LAMA1: variants seen among roughly 807,000 people sequenced by gnomAD.
LAMA1 encodes the protein laminin subunit alpha-1.
LAMA1 carries 219 observed loss-of-function variants against 348.7 expected under a neutral mutation model. The observed-to-expected ratio is 0.63, with a 90% confidence interval of 0.56 to 0.70. The LOEUF is 0.70. Among genes scored for constraint, LAMA1 ranks in the 30% least tolerant of loss-of-function variants. The probability of loss-of-function intolerance (pLI) is 0.00; values close to 1 mark genes in which losing one functional copy is unlikely to be tolerated. For missense variants in LAMA1, 3,744 were observed against 3,888.0 expected (o/e 0.96, Z 0.99); for synonymous variants, 1,487 against 1,491.0 (o/e 1.00, Z 0.06).
intron 1 of LAMA1, among the ~76,000 whole-genome samples, chr18:7,116,245 C>T (rs1417467901): frequency 6.6e-6 from 1 of 152,196 alleles, no homozygotes; most frequent in Non-Finnish European, 1.5e-5. Context: ...TTTCGGGGAA[C>T]AATAAGCTGA....
Position 6,956,738 on chromosome 18 carries a change from G to A in LAMA1, c.7992C>T (p.Gly2664=). Residue 2664 remains glycine, a synonymous_variant, in exon 56 of 63, where the codon GGC becomes GGT. Transcript: ENST00000389658. ...LELLDFNSAV[G]HEQVDLDTCW... ...AGGTGTCCAGGTCGACTTGCTCATGGCCAACTGCACTGTTGAAATCCAAAA... is the reference window on the plus strand; with the variant it reads ...AGGTGTCCAGGTCGACTTGCTCATGACCAACTGCACTGTTGAAATCCAAAA... 1 of 1,614,162 alleles carries A rather than the reference G, an allele frequency of 6.2e-7. No homozygotes were observed. The highest frequency in any genetic ancestry group is 8.5e-7 in the Non-Finnish European group (1 of 1,180,030).
intron 16 of LAMA1, among the ~76,000 whole-genome samples, 200 bp downstream of exon 16, chr18:7,031,866 A>G (rs1447694081): frequency 1.4e-5 from 2 of 144,284 alleles, no homozygotes; most frequent in African/African-American, 2.6e-5. Flanking sequence ...ACTATTACCA[A>G]AGTAACTTTT....
chr18:6,955,409 A>G lies in LAMA1; in HGVS notation c.8151T>C (p.Gly2717=). 6.2e-7 allele frequency: 1 copy of G among 1,614,102 alleles called. No homozygotes were observed. Residue 2717 remains glycine (G), a synonymous_variant, in exon 57 of 63, where the codon GGT becomes GGC. Transcript: ENST00000389658. ...LEYVPGAHQF[G]LTQNSHFILP... is the part of the protein sequence containing the mutation. The stretch of plus-strand genomic sequence containing the variant: ...AGATGAAATGGCTGTTTTGTGTGAG[A>G]CCAAACTGGTGAGCGCCGGGAACGT...
rs191765817 is a variant in LAMA1 at position 6,973,326 on chromosome 18, C to A, written c.6624-119G>T. The A allele has an allele frequency of 2.9e-3, 2,485 of 864,542 alleles. 4 individuals are homozygous for A. The highest frequency in any genetic ancestry group is 3.3e-3 in the Non-Finnish European group (1,775 of 534,404). The allele number at this position is 864,542 out of a possible 1,614,324, so 53.6% of individuals were successfully genotyped here. A position where few individuals can be genotyped will look rare whatever the true frequency, so the allele number is the denominator to read the frequency against. On this transcript the variant is annotated intron_variant, in intron 46 of 62. Coordinates refer to ENST00000389658, the MANE Select transcript of LAMA1 (RefSeq NM_005559.4). Reference sequence around the variant, plus strand: ...CCCAAGGGCCCTGCAACAGCACCCCCCTGCTGGCCTCCTGGCTTCCAGTCT... The same window carrying A: ...CCCAAGGGCCCTGCAACAGCACCCCACTGCTGGCCTCCTGGCTTCCAGTCT...
intron 1 of LAMA1, among the ~76,000 whole-genome samples, chr18:7,096,403 A>G (rs1337498161): frequency 2.0e-5 from 3 of 152,176 alleles, no homozygotes; most frequent in Non-Finnish European, 4.4e-5. Flanking sequence ...AGAGCTGGGC[A>G]TCGTGGCTCA....
At position 6,943,302 on chromosome 18, in the gene LAMA1, G is replaced by A. The variant is rs2057508024; in HGVS notation, c.8945C>T (p.Ala2982Val). 1.2e-6 allele frequency: 2 copies of A among 1,614,206 alleles called. No individual in the cohort carries two copies. Among genetic ancestry groups the A allele is most frequent in the Non-Finnish European group, 1.7e-6 (2 of 1,180,050 alleles). The change falls in exon 62 of 63, where the codon GCT becomes GTT. Residue 2982 changes from alanine (A) to valine (V), a missense_variant. Physicochemically the swap from Ala to Val is moderately conservative, Grantham distance 64 (BLOSUM62 0). Coordinates refer to ENST00000389658, the MANE Select transcript of LAMA1 (RefSeq NM_005559.4). The stretch of plus-strand genomic sequence containing the variant: ...AGTGATACGGTGTTTGCTTTTGTTA[G>A]CTTGAAGAGTGTGCCATTTTCCATC... ...LCDGKWHTLQ[A>V]NKSKHRITLI... is the part of the protein sequence containing the mutation.
intron 18 of LAMA1, among the ~76,000 whole-genome samples, chr18:7,023,731 G>A (rs1049651353): frequency 6.6e-6 from 1 of 152,184 alleles, no homozygotes; most frequent in Non-Finnish European, 1.5e-5. Context: ...GGAGCCAGAA[G>A]ACGGCTACTA....
At chr18:7,042,670 G>A (rs1474388743) in intron 8 of LAMA1, 1 of 245,098 alleles carries the variant, frequency 4.1e-6, no homozygotes, top group African/African-American at 2.3e-5. Flanking sequence ...GGACCACAAG[G>A]TCAAGGGATT....
chr18:6,946,602 C>G lies in LAMA1; in HGVS notation c.8844+561G>C, dbSNP rs186425243. Among the ~76,000 whole-genome samples, 194 of 152,122 alleles carry G rather than the reference C, an allele frequency of 1.3e-3. 6 individuals are homozygous for G. The East Asian group carries it at 0.029, about 22-fold the overall frequency. ...GGTGTGGTGGTGCACGCCTGTAATC[C>G]CAGCTACTCAGGAGGCTGAGGCAGG... On this transcript the variant is annotated intron_variant, in intron 61 of 62. Coordinates refer to ENST00000389658, the MANE Select transcript of LAMA1 (RefSeq NM_005559.4).
At chr18:7,103,348 T>A (rs1020085750) in intron 1 of LAMA1, among the ~76,000 whole-genome samples, 1 of 151,676 alleles carries the variant, frequency 6.6e-6, no homozygotes, top group Non-Finnish European at 1.5e-5. Flanking sequence ...GAGCTTGCAG[T>A]GAGCTGAGAT....
In LAMA1 at chr18:7,098,942, C is replaced by G. The variant is rs542730552; in HGVS notation, c.62-18485G>C. Among the ~76,000 whole-genome samples, 3 of 152,040 alleles carry G rather than the reference C, an allele frequency of 2.0e-5. No homozygotes were observed. In the South Asian group the frequency reaches 6.2e-4, roughly 32 times the overall value. On this transcript the variant is annotated intron_variant, in intron 1 of 62. Coordinates refer to ENST00000389658, the MANE Select transcript of LAMA1 (RefSeq NM_005559.4). ...CTGGGAAGTGAGGAGCCCCTCTGCC[C>G]GGCCACCACCCCGTCTGGGAGGTGT...
chr18:6,962,090 A>C, intron 51 of LAMA1, 31 bp from the exon 52 acceptor site: 2 of 1,545,066 alleles, frequency 1.3e-6, no homozygotes, highest in Non-Finnish European at 1.8e-6. Context: ...ACAATCACAA[A>C]ATTTGGGTTT....
At position 6,973,089 on chromosome 18, in the gene LAMA1, T is replaced by G. The variant is rs760911885; in HGVS notation, c.6742A>C (p.Met2248Leu). ...NVLDVNNSTL[M>L]FVGGLGGQIK... ...TGTCCTCCAAGACCTCCAACAAACATGAGTGTTGAATTGTTTACATCCAGA... is the reference window on the plus strand; with the variant it reads ...TGTCCTCCAAGACCTCCAACAAACAGGAGTGTTGAATTGTTTACATCCAGA... The change falls in exon 47 of 63, where the codon ATG (methionine) becomes CTG (leucine). Residue 2248 changes from methionine to leucine, a missense_variant. Physicochemically the swap from Met to Leu is conservative, Grantham distance 15. This residue lies in a region of LAMA1 where 1,983 missense variants were observed against 1,934.3 expected (regional missense o/e 1.03). Coordinates refer to ENST00000389658, the MANE Select transcript of LAMA1 (RefSeq NM_005559.4). The G allele has an allele frequency of 3.1e-6, 5 of 1,614,090 alleles. No individual in the cohort carries two copies. The highest frequency in any genetic ancestry group is 2.2e-5 in the East Asian group (1 of 44,906).
chr18:7,099,915 C>T (rs1237580000), intron 1 of LAMA1, among the ~76,000 whole-genome samples: 3 of 151,506 alleles, frequency 2.0e-5, no homozygotes, highest in Admixed American at 6.6e-5. Flanking sequence ...AAAAATTAGC[C>T]GGGTGTGGTG....
Position 7,038,831 on chromosome 18 carries a change from G to C in LAMA1, c.1542C>G (p.Ser514Arg). 1.2e-6 allele frequency: 2 copies of C among 1,614,200 alleles called. No homozygotes were observed. Among genetic ancestry groups the C allele is most frequent in the Non-Finnish European group, 1.7e-6 (2 of 1,180,042 alleles). The change falls in exon 11 of 63, where the codon AGC becomes AGG. Residue 514 changes from serine (S) to arginine (R), a missense_variant. Coordinates refer to ENST00000389658, the MANE Select transcript of LAMA1 (RefSeq NM_005559.4). ...CCACCTGACCAACAGGCCAAGAGAGGCTGCTGCAGACATCAGAAACGCCAA... is the reference window on the plus strand; with the variant it reads ...CCACCTGACCAACAGGCCAAGAGAGCCTGCTGCAGACATCAGAAACGCCAA... ...FCFGVSDVCS[S>R]LSWPVGQVNS...
chr18:6,956,489 C>T (rs778132292), intron 56 of LAMA1, 147 bp downstream of exon 56: 27 of 1,363,598 alleles, frequency 2.0e-5, no homozygotes, highest in Admixed American at 3.4e-5. Flanking sequence ...TCCCTGTCCC[C>T]GCTCTGATTT....
chr18:7,100,698 G>A (rs567969001), intron 1 of LAMA1, among the ~76,000 whole-genome samples: 2 of 152,192 alleles, frequency 1.3e-5, no homozygotes, highest in East Asian at 3.9e-4. Context: ...AACACTAACC[G>A]AGAGAAGTAG....
intron 5 of LAMA1, 27 bp from the exon 6 acceptor site, chr18:7,046,394 A>C: frequency 7.4e-7 from 1 of 1,360,016 alleles, no homozygotes; most frequent in Non-Finnish European, 1.0e-6. Flanking sequence ...TTATGAACAA[A>C]AATTAAAACC....
At chr18:6,994,655 T>C (rs554742602) in intron 34 of LAMA1, among the ~76,000 whole-genome samples, 1 of 151,002 alleles carries the variant, frequency 6.6e-6, no homozygotes, top group South Asian at 2.1e-4. Flanking sequence ...TATGTATAGA[T>C]ACACCATCAC....
Sources: gnomAD v4.1 joint callset for allele counts (sites outside exome capture counted in the v4.1 genomes callset) on GRCh38, gnomAD v4.1.1 for gene constraint, gnomAD v4.1.1 regional missense constraint, MANE v1.5 for transcripts, NCBI Gene and HGNC (gene_info 2026-07-23, HGNC 2026-07-21) for gene names.